The following HPS1 variants were observed in gnomAD, a reference collection of about 807,000 sequenced individuals.
HPS1 encodes the protein BLOC-3 complex member HPS1.
In HPS1, 59 loss-of-function variants were observed where a neutral mutation model predicts 90.6. That is an observed-to-expected ratio of 0.65 (90% CI 0.53 to 0.81). The LOEUF is 0.81. Among genes scored for constraint, HPS1 ranks in the 30% least tolerant of loss-of-function variants. The pLI, the probability that HPS1 is intolerant of heterozygous loss-of-function variation, is 0.00. For synonymous variants in HPS1, 388 were observed against 384.4 expected (o/e 1.01, Z -0.11); for missense variants, 849 against 896.7 (o/e 0.95, Z 0.68).
At chr10:98,421,985 C>T (rs900935349) in intron 17 of HPS1, among the ~76,000 whole-genome samples, 2 of 93,982 alleles carry the variant, frequency 2.1e-5, no homozygotes, top group South Asian at 1.1e-3. Context: ...CACAGACACA[C>T]ACACACACAC....
Position 98,425,925 on chromosome 10 carries a change from T to C in HPS1, c.1048A>G (p.Arg350Gly). 3.1e-6 allele frequency: 5 copies of C among 1,614,100 alleles called. No individual in the cohort carries two copies. The highest frequency in any genetic ancestry group is 4.2e-6 in the Non-Finnish European group (5 of 1,179,984). Reference protein sequence around the residue: ...PHCPVPSGPRRIFLDANVKES... With the variant: ...PHCPVPSGPRGIFLDANVKES... ...TTCACGTTGGCATCCAGGAAGATCC[T>C]TCTGGGGCCGGAAGGCACAGGGCAG... The change falls in exon 12 of 20, where the codon AGG (arginine) becomes GGG (glycine). Residue 350 changes from arginine (R) to glycine (G), a missense_variant. Physicochemically the swap from Arg to Gly is moderately radical, Grantham distance 125 (BLOSUM62 -2). Coordinates refer to ENST00000361490, the MANE Select transcript of HPS1 (RefSeq NM_000195.5).
At chr10:98,420,814 G>A (rs775595536) in intron 17 of HPS1, among the ~76,000 whole-genome samples, 2 of 152,206 alleles carry the variant, frequency 1.3e-5, no homozygotes, top group Admixed American at 6.5e-5. Context: ...AGAACAAGGT[G>A]TGGTCTCCTG....
At chr10:98,420,245 C>T in intron 17 of HPS1, 87 bp from the exon 18 acceptor site, 1 of 933,690 alleles carries the variant, frequency 1.1e-6, no homozygotes, top group Middle Eastern at 2.2e-4. Flanking sequence ...AAGGGCACAG[C>T]CGAGAAGCTC....
intron 18 of HPS1, among the ~76,000 whole-genome samples, chr10:98,419,652 A>G (rs994451771): frequency 6.6e-6 from 1 of 152,200 alleles, no homozygotes; most frequent in Non-Finnish European, 1.5e-5. Flanking sequence ...GCAGGGGCCT[A>G]TGCTCTTGAG....
rs1315494072 is a variant in HPS1, at chr10:98,434,069, G to C, written c.421C>G (p.Gln141Glu). The change falls in exon 6 of 20, where the codon CAG becomes GAG. Residue 141 changes from glutamine to glutamate, a missense_variant. Gln to Glu is a conservative substitution (Grantham distance 29). Transcript: ENST00000361490. ...AAGTGCTCCCACAGCTGGACACGCT[G>C]CGCCAGGTCTGGGGGCCGCAGCCTG... is the stretch of plus-strand genomic sequence containing the variant. ...RKELRPPDLA[Q>E]RVQLWEHFQS... 1 of 1,551,036 alleles carries C rather than the reference G, an allele frequency of 6.4e-7. No homozygotes were observed. The highest frequency in any genetic ancestry group is 8.7e-7 in the Non-Finnish European group (1 of 1,147,312).
chr10:98,445,102 T>A lies in HPS1; in HGVS notation c.-1+198A>T, dbSNP rs929642128. ...ATGCAGCAGGCTGTGATGACCTGCC[T>A]GGATTCGAGGGGTGAAGGAGAGATG... On this transcript the variant is annotated intron_variant, in intron 2 of 19. Transcript: ENST00000361490. The surrounding 1 kb of genome is among the most constrained non-coding windows in gnomAD (Gnocchi z 4.5). Among the ~76,000 whole-genome samples the A allele has an allele frequency of 1.3e-5, 2 of 151,928 alleles. No homozygotes were observed. Among genetic ancestry groups the A allele is most frequent in the Non-Finnish European group, 2.9e-5 (2 of 67,970 alleles).
At chr10:98,438,947 C>T (rs1300162689) in intron 3 of HPS1, among the ~76,000 whole-genome samples, 5 of 152,168 alleles carry the variant, frequency 3.3e-5, no homozygotes, top group Non-Finnish European at 5.9e-5. Context: ...GCCCTGCGTC[C>T]TAGCCATGGC....
rs765692546 is a variant in HPS1, at chr10:98,435,292, G to A, written c.378C>T (p.Asp126=). The part of the protein sequence containing the change: ...FEVHFGLVTV[D]GHLIRKELRP... The stretch of plus-strand genomic sequence containing the variant: ...CTCACTCCTTTCGGATAAGATGACC[G>A]TCCACAGTCACCAGCCCAAAGTGCA... The change falls in exon 5 of 20, where the codon GAC becomes GAT. Residue 126 remains aspartate, a synonymous_variant. Transcript: ENST00000361490. This position sits in a 1 kb window ranked among gnomAD's most constrained non-coding sequence, Gnocchi z 4.3. The A allele has an allele frequency of 5.0e-6, 8 of 1,613,914 alleles. No homozygotes were observed. The highest frequency in any genetic ancestry group is 2.2e-5 in the East Asian group (1 of 44,870).
chr10:98,432,544 C>T (rs1020729925), intron 6 of HPS1, among the ~76,000 whole-genome samples: 1 of 152,190 alleles, frequency 6.6e-6, no homozygotes, highest in Admixed American at 6.5e-5. Context: ...AGCTATGTCT[C>T]ATCTGCTATT....
rs371601664 is a variant in HPS1, at chr10:98,418,262, G to A, written c.1858-5C>T. The stretch of plus-strand genomic sequence containing the variant: ...GATCATCTGGAGTTTGTACCCCTGA[G>A]GAGGGAGGACAGGGAGGCAGTGGGT... On this transcript the variant is annotated splice_polypyrimidine_tract_variant and splice_region_variant and intron_variant, in intron 18 of 19. Transcript: ENST00000361490. 3.8e-6 allele frequency: 6 copies of A among 1,593,476 alleles called. No individual in the cohort carries two copies. The African/African-American group carries it at 6.7e-5, about 18-fold the overall frequency.
At chr10:98,430,491 A>G (rs981155118) in intron 8 of HPS1, 80 bp downstream of exon 8, 9 of 1,065,152 alleles carry the variant, frequency 8.4e-6, no homozygotes, top group South Asian at 1.4e-5. Context: ...CCCCAGGGGG[A>G]GCCTGCCCAC....
intron 3 of HPS1, among the ~76,000 whole-genome samples, chr10:98,439,144 G>C (rs966287130): frequency 6.6e-6 from 1 of 152,180 alleles, no homozygotes; most frequent in Non-Finnish European, 1.5e-5. Context: ...TTGCTACAGG[G>C]GCAGAGCCCT....
chr10:98,426,000 G>C lies in HPS1; in HGVS notation c.988-15C>G. 6.2e-7 allele frequency: 1 copy of C among 1,613,088 alleles called. No individual in the cohort carries two copies. Among genetic ancestry groups the C allele is most frequent in the Admixed American group, 1.7e-5 (1 of 60,026 alleles). On this transcript the variant is annotated splice_polypyrimidine_tract_variant and intron_variant, in intron 11 of 19. Coordinates refer to ENST00000361490, the MANE Select transcript of HPS1 (RefSeq NM_000195.5). The stretch of plus-strand genomic sequence containing the variant: ...TCCTCTGCTATCTACAGAGGAAGAA[G>C]AGCTGCAGTGAGAGGTGGGATCCCT...
rs946948368 is a variant in HPS1 at position 98,446,454 on chromosome 10, C to G, written c.-106+353G>C. ...CCCACTTTCACCATCTGGACCCCAGCAAACCTCCCTGTGGCCCTTGGTCCC... is the reference window on the plus strand; with the variant it reads ...CCCACTTTCACCATCTGGACCCCAGGAAACCTCCCTGTGGCCCTTGGTCCC... On this transcript the variant is annotated intron_variant, in intron 1 of 19. Coordinates refer to ENST00000361490, the MANE Select transcript of HPS1 (RefSeq NM_000195.5). Among the ~76,000 whole-genome samples, 8 of 152,364 alleles carry G rather than the reference C, an allele frequency of 5.3e-5. No homozygotes were observed. The South Asian group carries it at 1.0e-3, about 20-fold the overall frequency.
chr10:98,429,984 C>G, intron 8 of HPS1, 95 bp from the exon 9 acceptor site: 1 of 1,004,916 alleles, frequency 1.0e-6, no homozygotes. Context: ...AGCCTCCACC[C>G]CTCCACCCCT....
chr10:98,425,641 C>A lies in HPS1; in HGVS notation c.1235G>T (p.Gly412Val), dbSNP rs111277962. Reference protein sequence around the residue: ...FSMLEKKLKEGPEPGASLRSQ... With the variant: ...FSMLEKKLKEVPEPGASLRSQ... ...GCGCAGGGAGGCCCCGGGCTCCGGCCCTTCCTTCAGCTTCTTCTCCAGCAT... is the reference window on the plus strand; with the variant it reads ...GCGCAGGGAGGCCCCGGGCTCCGGCACTTCCTTCAGCTTCTTCTCCAGCAT... Residue 412 changes from glycine (G) to valine (V), a missense_variant, in exon 13 of 20, where the codon GGG becomes GTG. Physicochemically the swap from Gly to Val is moderately radical, Grantham distance 109 (BLOSUM62 -3). Coordinates refer to ENST00000361490, the MANE Select transcript of HPS1 (RefSeq NM_000195.5). 11 of 1,613,830 alleles carry A rather than the reference C, an allele frequency of 6.8e-6. No homozygotes were observed. The highest frequency in any genetic ancestry group is 6.7e-5 in the African/African-American group (5 of 75,072).
intron 2 of HPS1, among the ~76,000 whole-genome samples, chr10:98,444,824 G>T (rs1222428029): frequency 3.3e-5 from 5 of 152,250 alleles, no homozygotes. Flanking sequence ...CAACAGGTGT[G>T]AAAAGGAGGT....
rs769932435 is a variant in HPS1, at chr10:98,435,367, G to T, written c.303C>A (p.Ser101Arg). Residue 101 changes from serine to arginine, a missense_variant, in exon 5 of 20, where the codon AGC (serine) becomes AGA (arginine). By Grantham distance (110) the Ser-to-Arg change is moderately radical (BLOSUM62 -1). Transcript: ENST00000361490. The surrounding 1 kb of genome is among the most constrained non-coding windows in gnomAD (Gnocchi z 4.3). Reference sequence around the variant, plus strand: ...ACAGCTTCCGCCGCAGGTCCCCCTCGCTCTCGGTGTGGTCACCATTGATGG... The same window carrying T: ...ACAGCTTCCGCCGCAGGTCCCCCTCTCTCTCGGTGTGGTCACCATTGATGG... ...FIAINGDHTE[S>R]EGDLRRKLYV... 3 of 1,613,910 alleles carry T rather than the reference G, an allele frequency of 1.9e-6. No homozygotes were observed. The highest frequency in any genetic ancestry group is 2.7e-5 in the African/African-American group (2 of 74,978).
At position 98,429,863 on chromosome 10, in the gene HPS1, G is replaced by A; in HGVS notation, c.795C>T (p.Ser265=). 6.2e-7 allele frequency: 1 copy of A among 1,612,858 alleles called. No individual in the cohort carries two copies. Among genetic ancestry groups the A allele is most frequent in the Admixed American group, 1.7e-5 (1 of 60,032 alleles). ...AGGCCTGCTGCACGGGGATGTTCTG[G>A]CTGCTCCGGGCCCTCCGCGGGGAAG... The part of the protein sequence containing the change: ...IQPSPRRARS[S]QNIPVQQAWS... Residue 265 remains serine (S), a synonymous_variant, in exon 9 of 20, where the codon AGC becomes AGT. Coordinates refer to ENST00000361490, the MANE Select transcript of HPS1 (RefSeq NM_000195.5).
Sources: allele counts gnomAD v4.1 joint callset (sites outside exome capture counted in the v4.1 genomes callset), GRCh38; gene constraint gnomAD v4.1.1; non-coding constraint Gnocchi (gnomAD v3.1); transcripts MANE v1.5; gene names NCBI Gene and HGNC (gene_info 2026-07-23, HGNC 2026-07-21).